The following SFXN4 variants were observed in gnomAD, a reference collection of about 807,000 sequenced individuals.
SFXN4 encodes the protein sideroflexin-4.
Under a neutral mutation model 54.6 loss-of-function variants are expected in SFXN4, and 48 were observed. The observed-to-expected ratio is 0.88, with a 90% CI of 0.70 to 1.12. The LOEUF is 1.12. Among genes scored for constraint, SFXN4 ranks in the 50% most tolerant of loss-of-function variants. SFXN4 has a pLI of 0.00. For synonymous variants in SFXN4, 130 were observed against 145.5 expected, an observed-to-expected ratio of 0.89 and a Z score of 0.77; for missense variants, 383 against 409.2, an observed-to-expected ratio of 0.94 and a Z score of 0.55.
chr10:119,148,610 C>T lies in SFXN4; in HGVS notation c.733-750G>A, dbSNP rs180686373. ...CTCCAAATGCCCAGCTCTGAGGGCA[C>T]GGGCACAGCATGAGACCCACACAAG... is the stretch of plus-strand genomic sequence containing the variant. On this transcript the variant is annotated intron_variant, in intron 11 of 13. Coordinates refer to ENST00000355697, the MANE Select transcript of SFXN4 (RefSeq NM_213649.2). Among the ~76,000 whole-genome samples the T allele has an allele frequency of 1.5e-3, 235 of 152,116 alleles. 2 individuals are homozygous for T. Among genetic ancestry groups the T allele is most frequent in the African/African-American group, 5.3e-3 (222 of 41,496 alleles).
Position 119,141,195 on chromosome 10 carries a change from G to A in SFXN4, c.*47C>T, listed in dbSNP as rs1219537854. 6 of 1,415,410 alleles carry A rather than the reference G, an allele frequency of 4.2e-6. No homozygotes were observed. The Admixed American group carries it at 8.9e-5, about 21-fold the overall frequency. The allele number at this position is 1,415,410 out of a possible 1,614,324, so 87.7% of individuals were successfully genotyped here. A position where few individuals can be genotyped will look rare whatever the true frequency, so the allele number is the denominator to read the frequency against. On this transcript the variant is annotated 3_prime_UTR_variant, in exon 14 of 14. Coordinates refer to ENST00000355697, the MANE Select transcript of SFXN4 (RefSeq NM_213649.2). ...GTTCTCTAAACCGAACCTGGAGAGG[G>A]GAAGGTTTTCAAGCAGGAACCACAT... is the stretch of plus-strand genomic sequence containing the variant.
In SFXN4 at chr10:119,146,348, T is replaced by G; in HGVS notation, c.824A>C (p.Gln275Pro). Residue 275 changes from glutamine to proline, a missense_variant, in exon 13 of 14, where the codon CAG becomes CCG. Transcript: ENST00000355697. ...EVFTYFFKRTQYFRKNPGSLW... is the reference protein window; with the variant it reads ...EVFTYFFKRTPYFRKNPGSLW... Reference sequence around the variant, plus strand: ...TGACCCTGGGTTTTTCCTGAAATACTGGGTCCTGTAAGAGACAAGGCATGG... The same window carrying G: ...TGACCCTGGGTTTTTCCTGAAATACGGGGTCCTGTAAGAGACAAGGCATGG... 1 of 1,599,274 alleles carries G rather than the reference T, an allele frequency of 6.3e-7. No individual in the cohort carries two copies. Among genetic ancestry groups the G allele is most frequent in the Non-Finnish European group, 8.6e-7 (1 of 1,166,932 alleles).
At chr10:119,152,226 G>C in intron 11 of SFXN4, among the ~76,000 whole-genome samples, 1 of 31,578 alleles carries the variant, frequency 3.2e-5, no homozygotes, top group African/African-American at 7.7e-5. Context: ...TGTCTCTTTC[G>C]GGCGTTTTTT....
intron 9 of SFXN4, among the ~76,000 whole-genome samples, chr10:119,157,447 G>T (rs905024012): frequency 2.2e-5 from 3 of 138,638 alleles, no homozygotes; most frequent in African/African-American, 5.4e-5. Context: ...AAAAAAAAAA[G>T]AAAATAGAAA....
At chr10:119,147,501 GA>G (rs777570321) in intron 12 of SFXN4, among the ~76,000 whole-genome samples, 1 of 152,194 alleles carries the variant, frequency 6.6e-6, no homozygotes, top group Non-Finnish European at 1.5e-5. Context: ...CCTCATTCTA[GA>G]GGTGAGGAAA....
chr10:119,156,358 G>A (rs1383510332), intron 10 of SFXN4, among the ~76,000 whole-genome samples: 1 of 152,232 alleles, frequency 6.6e-6, no homozygotes, highest in Non-Finnish European at 1.5e-5. Context: ...AATCCAGCAG[G>A]CGGAGGGTTG....
At chr10:119,162,543 A>G (rs1847596364) in intron 2 of SFXN4, 129 bp from the exon 3 acceptor site, 2 of 712,666 alleles carry the variant, frequency 2.8e-6, no homozygotes, top group African/African-American at 1.8e-5. Flanking sequence ...TTCAAGCCAC[A>G]TGGTGCCCTA....
intron 12 of SFXN4, among the ~76,000 whole-genome samples, 185 bp downstream of exon 12, chr10:119,147,590 T>C (rs1342497862): frequency 2.6e-5 from 4 of 152,048 alleles, no homozygotes; most frequent in African/African-American, 9.7e-5. Flanking sequence ...CCCCATTCGG[T>C]GGAATCCGTA....
intron 11 of SFXN4, among the ~76,000 whole-genome samples, chr10:119,150,591 C>G (rs1270210558): frequency 6.6e-6 from 1 of 152,004 alleles, no homozygotes; most frequent in East Asian, 1.9e-4. Context: ...GTCGCTTGAG[C>G]CCAGGAAGTT....
intron 7 of SFXN4, 23 bp from the exon 8 acceptor site, chr10:119,157,950 C>T (rs762045202): frequency 5.8e-5 from 94 of 1,614,004 alleles, no homozygotes; most frequent in Non-Finnish European, 6.9e-5. Context: ...GCAAATGGAT[C>T]GCATTTTCGT....
chr10:119,150,517 CT>C (rs765690874), intron 11 of SFXN4, among the ~76,000 whole-genome samples: 158 of 147,506 alleles, frequency 1.1e-3, no homozygotes, highest in African/African-American at 2.5e-3. Context: ...TCTCTACAAA[CT>C]TTTTTTTTTT....
intron 3 of SFXN4, 84 bp from the exon 4 acceptor site, chr10:119,161,165 G>T (rs1161614430): frequency 3.7e-6 from 5 of 1,358,162 alleles, no homozygotes; most frequent in African/African-American, 2.9e-5. Flanking sequence ...CAGGGCTGGG[G>T]TATAGTGGCA....
At chr10:119,150,548 G>A (rs927806795) in intron 11 of SFXN4, among the ~76,000 whole-genome samples, 1 of 151,890 alleles carries the variant, frequency 6.6e-6, no homozygotes, top group South Asian at 2.1e-4. Context: ...CATGTATGGC[G>A]GTGCACACTA....
rs938206827 is a variant in SFXN4, at chr10:119,164,321, G to A, written c.112-125C>T. ...CAGGGTCTGTGATCTGCCTTTTACT[G>A]GCATCATCTCCTGGGATCCTCCCAA... On this transcript the variant is annotated intron_variant, in intron 1 of 13. Coordinates refer to ENST00000355697, the MANE Select transcript of SFXN4 (RefSeq NM_213649.2). 135 of 578,132 alleles carry A rather than the reference G, an allele frequency of 2.3e-4. 1 individual carries two copies. Among genetic ancestry groups the A allele is most frequent in the South Asian group, 4.5e-4 (21 of 46,950 alleles). The allele number at this position is 578,132 out of a possible 1,614,324, so 35.8% of individuals were successfully genotyped here.
chr10:119,162,149 A>G, intron 3 of SFXN4, 191 bp downstream of exon 3: 1 of 556,708 alleles, frequency 1.8e-6, no homozygotes, highest in Non-Finnish European at 3.2e-6. Flanking sequence ...CCAGTTTTGC[A>G]AAGCTGGTCC....
Position 119,146,250 on chromosome 10 carries a change from G to A in SFXN4, c.922C>T (p.Pro308Ser). ...GGGGCACTTACCTGTCCAATCTGTG[G>A]AAATATACTAAAAGAAAATGGCACC... Reference protein sequence around the residue: ...LMVPFSFSIFPQIGQIQYCSL... With the variant: ...LMVPFSFSIFSQIGQIQYCSL... Residue 308 changes from proline (P) to serine (S), a missense_variant, in exon 13 of 14, where the codon CCA (proline) becomes TCA (serine). Pro to Ser is a moderately conservative substitution (Grantham distance 74). Transcript: ENST00000355697. The A allele has an allele frequency of 6.2e-7, 1 of 1,605,482 alleles. No homozygotes were observed. The highest frequency in any genetic ancestry group is 1.1e-5 in the South Asian group (1 of 90,508).
At chr10:119,150,385 T>C (rs528809963) in intron 11 of SFXN4, among the ~76,000 whole-genome samples, 3 of 152,100 alleles carry the variant, frequency 2.0e-5, no homozygotes, top group Admixed American at 2.0e-4. Flanking sequence ...ACTTGCTCAT[T>C]GGATATTTGC....
In SFXN4 at chr10:119,156,783, A is replaced by G. The variant is rs757144219; in HGVS notation, c.538-27T>C. On this transcript the variant is annotated intron_variant, in intron 9 of 13. Coordinates refer to ENST00000355697, the MANE Select transcript of SFXN4 (RefSeq NM_213649.2). ...TAGAAAAGAAGAGAGAAAAATCATT[A>G]TTTCATGGGACTGAAAAATCAGCGG... The G allele has an allele frequency of 3.9e-5, 61 of 1,555,090 alleles. No homozygotes were observed. In the Admixed American group the frequency reaches 1.0e-3, roughly 27 times the overall value.
Position 119,149,760 on chromosome 10 carries a change from G to T in SFXN4, c.733-1900C>A, listed in dbSNP as rs547432861. Among the ~76,000 whole-genome samples, 27 of 152,178 alleles carry T rather than the reference G, an allele frequency of 1.8e-4. No homozygotes were observed. In the East Asian group the frequency reaches 4.8e-3, roughly 27 times the overall value. On this transcript the variant is annotated intron_variant, in intron 11 of 13. Coordinates refer to ENST00000355697, the MANE Select transcript of SFXN4 (RefSeq NM_213649.2). ...GCGAGACTCAGTCTCTAAAATAAAA[G>T]AAAATAAAATAAAAGTCTCAGGGAT...
Sources: allele counts gnomAD v4.1 joint callset (sites outside exome capture counted in the v4.1 genomes callset), GRCh38; gene constraint gnomAD v4.1.1; transcripts MANE v1.5; gene names NCBI Gene and HGNC (gene_info 2026-07-23, HGNC 2026-07-21).